The following ANGPTL6 variants were observed in gnomAD, a reference collection of about 807,000 sequenced individuals.
The protein encoded by ANGPTL6 is angiopoietin like 6.
A neutral mutation model predicts 47.4 loss-of-function variants in ANGPTL6; 45 were observed. The observed-to-expected ratio is 0.95, with a 90% CI of 0.75 to 1.22. The LOEUF (loss-of-function observed/expected upper bound fraction) is 1.22. Ranked by LOEUF, ANGPTL6 falls within the 50% of genes most tolerant of loss-of-function variation. The pLI, the probability that ANGPTL6 is intolerant of heterozygous loss-of-function variation, is 0.00. For missense variants in ANGPTL6, 698 were observed against 669.4 expected (o/e 1.04, Z -0.47); for synonymous variants, 290 against 295.9 (o/e 0.98, Z 0.20).
At chr19:10,103,935 A>C (rs1038350359), upstream of ANGPTL6, among the ~76,000 whole-genome samples, 1 of 151,828 alleles carries the variant, frequency 6.6e-6, no homozygotes, top group Admixed American at 6.6e-5. Context: ...TCTACTAAAA[A>C]TACAAAAATT....
chr19:10,097,296 C>CGCCTGA (rs1320094320), intron 1 of ANGPTL6, among the ~76,000 whole-genome samples: 1 of 151,690 alleles, frequency 6.6e-6, no homozygotes, highest in Non-Finnish European at 1.5e-5. Context: ...ATCCCAAGAT[C>CGCCTGA]GCCTGAGCCC....
At chr19:10,098,219 G>A (rs1218291341) in intron 1 of ANGPTL6, among the ~76,000 whole-genome samples, 12 of 152,054 alleles carry the variant, frequency 7.9e-5, no homozygotes. Flanking sequence ...GGGCTCAGTG[G>A]CTCACACCTG....
intron 1 of ANGPTL6, among the ~76,000 whole-genome samples, chr19:10,099,986 A>G (rs1234640604): frequency 1.3e-5 from 2 of 150,512 alleles, no homozygotes; most frequent in East Asian, 2.0e-4. Flanking sequence ...CAGCCTCCCA[A>G]GAAGCTGGGA....
At chr19:10,103,963 C>T (rs1477914845), upstream of ANGPTL6, among the ~76,000 whole-genome samples, 1 of 150,434 alleles carries the variant, frequency 6.6e-6, no homozygotes, top group Non-Finnish European at 1.5e-5. Context: ...TGTGGTGGCC[C>T]ATGCCTGTAA....
chr19:10,102,432 A>T, intron 1 of ANGPTL6, 136 bp downstream of exon 1: 1 of 327,516 alleles, frequency 3.1e-6, no homozygotes, highest in African/African-American at 2.3e-5. Context: ...CAGAACTGGG[A>T]CGTGTGTATA....
chr19:10,096,410 C>A lies in ANGPTL6; in HGVS notation c.154G>T (p.Ala52Ser). The change falls in exon 2 of 6, where the codon GCG (alanine) becomes TCG (serine). Residue 52 changes from alanine (A) to serine (S), a missense_variant. Transcript: ENST00000253109. ...VCWSGPASTR[A>S]TPEAANASEL... ...CTGGCGTTGGCGGCCTCGGGCGTCG[C>A]CCGCGTGGATGCGGGGCCGCTCCAG... The A allele has an allele frequency of 7.6e-7, 1 of 1,322,142 alleles. No homozygotes were observed. Among genetic ancestry groups the A allele is most frequent in the Non-Finnish European group, 9.6e-7 (1 of 1,040,524 alleles). The allele number at this position is 1,322,142 out of a possible 1,614,324, so 81.9% of individuals were successfully genotyped here.
At position 10,093,879 on chromosome 19, in the gene ANGPTL6, G is replaced by A. The variant is rs1169421400; in HGVS notation, c.765C>T (p.Gly255=). The A allele has an allele frequency of 1.9e-6, 3 of 1,607,386 alleles. No homozygotes were observed. The highest frequency in any genetic ancestry group is 2.5e-6 in the Non-Finnish European group (3 of 1,179,960). The change falls in exon 4 of 6, where the codon GGC becomes GGT. Residue 255 remains glycine, a splice_region_variant and synonymous_variant. Coordinates refer to ENST00000253109, the MANE Select transcript of ANGPTL6 (RefSeq NM_031917.3). ...GGGCCTCTGCACAATCCTGCCACGGGCCTGTGGGCACAGGGATAGGGGGGA... is the reference window on the plus strand; with the variant it reads ...GGGCCTCTGCACAATCCTGCCACGGACCTGTGGGCACAGGGATAGGGGGGA... The part of the protein sequence containing the change: ...GHPAVPTKPV[G]PWQDCAEARQ...
At chr19:10,098,890 C>T (rs756469708) in intron 1 of ANGPTL6, among the ~76,000 whole-genome samples, 1 of 152,046 alleles carries the variant, frequency 6.6e-6, no homozygotes, top group Non-Finnish European at 1.5e-5. Context: ...AAACGTCTCA[C>T]TAACTGCCTT....
chr19:10,096,704 C>T (rs953992303), intron 1 of ANGPTL6, 131 bp from the exon 2 acceptor site: 1 of 681,546 alleles, frequency 1.5e-6, no homozygotes. Context: ...CCATCTCATT[C>T]CCCCCACGGC....
At chr19:10,103,100 C>A (rs2088721946), upstream of ANGPTL6, among the ~76,000 whole-genome samples, 1 of 151,840 alleles carries the variant, frequency 6.6e-6, no homozygotes, top group Admixed American at 6.6e-5. Context: ...CATTTTACAG[C>A]AGGGAAAACT....
At chr19:10,102,398 C>G (rs183346123) in intron 1 of ANGPTL6, among the ~76,000 whole-genome samples, 170 bp downstream of exon 1, 8 of 151,380 alleles carry the variant, frequency 5.3e-5, no homozygotes, top group Admixed American at 2.0e-4. Context: ...CCCCACCCCC[C>G]ACAACAGAGA....
At position 10,096,572 on chromosome 19, in the gene ANGPTL6, A is replaced by T; in HGVS notation, c.-9T>A. Reference sequence around the variant, plus strand: ...AGCCAGGGCTTCCCCATCGCGGCGGACCTGCAGGCAGAGGAGGAACGGAAG... The same window carrying T: ...AGCCAGGGCTTCCCCATCGCGGCGGTCCTGCAGGCAGAGGAGGAACGGAAG... On this transcript the variant is annotated splice_region_variant and 5_prime_UTR_variant, in exon 2 of 6. Transcript: ENST00000253109. The T allele has an allele frequency of 6.7e-6, 10 of 1,493,700 alleles. No individual in the cohort carries two copies. The highest frequency in any genetic ancestry group is 8.9e-6 in the Non-Finnish European group (10 of 1,128,394). 92.5% of individuals were successfully genotyped at this position (1,493,700 alleles called of 1,614,324 possible).
intron 1 of ANGPTL6, among the ~76,000 whole-genome samples, chr19:10,101,012 C>T (rs1211076328): frequency 6.6e-6 from 1 of 151,940 alleles, no homozygotes; most frequent in African/African-American, 2.4e-5. Flanking sequence ...AGTTTGAGAC[C>T]AGCTTGGCTA....
chr19:10,093,401 C>T lies in ANGPTL6; in HGVS notation c.1170G>A (p.Trp390Ter). ...CGGTGCTGAAGGGCTTGTCATTGTG[C>T]CAGGAAAGAGAGTCTCCAGCATCAC... ...YHGDAGDSLS[W>*]HNDKPFSTVD... Residue 390 changes from tryptophan to a stop codon, truncating the protein, a stop_gained, in exon 5 of 6, where the codon TGG becomes TGA. Transcript: ENST00000253109. LOFTEE classifies it high-confidence loss of function. The T allele has an allele frequency of 4.3e-6, 7 of 1,614,176 alleles. No homozygotes were observed. The highest frequency in any genetic ancestry group is 5.9e-6 in the Non-Finnish European group (7 of 1,180,026).
intron 1 of ANGPTL6, among the ~76,000 whole-genome samples, chr19:10,101,035 C>G (rs2088664513): frequency 6.7e-6 from 1 of 150,308 alleles, no homozygotes; most frequent in Non-Finnish European, 1.5e-5. Context: ...GTGGCGAAAC[C>G]CTGTCTCTAC....
intron 5 of ANGPTL6, chr19:10,093,039 T>C (rs1184763829): frequency 6.1e-6 from 3 of 490,754 alleles, no homozygotes; most frequent in African/African-American, 5.8e-5. Context: ...ACTAGGAGTC[T>C]ACCGTTCATT....
chr19:10,096,464 G>A lies in ANGPTL6; in HGVS notation c.100C>T (p.Pro34Ser), dbSNP rs1417181981. The A allele has an allele frequency of 6.8e-7, 1 of 1,477,828 alleles. No homozygotes were observed. Among genetic ancestry groups the A allele is most frequent in the East Asian group, 2.9e-5 (1 of 34,412 alleles). 91.5% of individuals were successfully genotyped at this position (1,477,828 alleles called of 1,614,324 possible). ...ACAGCGCCCGTGAACTTCTGCGGGGGCAGCACGAAGGTGTAGGTGCAGCGC... is the reference window on the plus strand; with the variant it reads ...ACAGCGCCCGTGAACTTCTGCGGGGACAGCACGAAGGTGTAGGTGCAGCGC... Reference protein sequence around the residue: ...APRCTYTFVLPPQKFTGAVCW... With the variant: ...APRCTYTFVLSPQKFTGAVCW... The change falls in exon 2 of 6, where the codon CCC (proline) becomes TCC (serine). Residue 34 changes from proline (P) to serine (S), a missense_variant. Pro to Ser is a moderately conservative substitution (Grantham distance 74). Coordinates refer to ENST00000253109, the MANE Select transcript of ANGPTL6 (RefSeq NM_031917.3).
At chr19:10,094,392 C>T (rs560432936) in intron 3 of ANGPTL6, 34 of 281,330 alleles carry the variant, frequency 1.2e-4, no homozygotes, top group Admixed American at 2.1e-4. Context: ...GTGATCCACC[C>T]GCCTCGGCCT....
chr19:10,101,127 T>C (rs2088667153), intron 1 of ANGPTL6, among the ~76,000 whole-genome samples: 1 of 152,068 alleles, frequency 6.6e-6, no homozygotes, highest in East Asian at 1.9e-4. Context: ...AAGAATCACT[T>C]GAACCCGGAA....
Sources: gnomAD v4.1 joint callset for allele counts (sites outside exome capture counted in the v4.1 genomes callset) on GRCh38, gnomAD v4.1.1 for gene constraint, MANE v1.5 for transcripts, NCBI Gene and HGNC (gene_info 2026-07-23, HGNC 2026-07-21) for gene names.